The following JARID2 variants were observed in gnomAD, a reference collection of about 807,000 sequenced individuals.
JARID2 encodes the protein jumonji and AT-rich interaction domain containing 2.
A neutral mutation model predicts 125.6 loss-of-function variants in JARID2; 21 were observed. The ratio of observed to expected loss-of-function variants is 0.17; its 90% CI spans 0.12 to 0.24. JARID2 has a LOEUF of 0.24. Ranked by LOEUF, JARID2 falls within the 10% of genes least tolerant of loss-of-function variation. JARID2 has a pLI of 1.00. For synonymous variants in JARID2, 736 were observed against 661.6 expected (o/e 1.11, Z -1.73); for missense variants, 1,303 against 1,639.6 (o/e 0.79, Z 3.55).
At chr6:15,404,519 G>GCACACACACA (rs3138770) in intron 2 of JARID2, among the ~76,000 whole-genome samples, 47 of 138,352 alleles carry the variant, frequency 3.4e-4, no homozygotes, top group African/African-American at 7.2e-4. Context: ...ATCTTAAAGT[G>GCACACACACA]CACACACACA....
At chr6:15,378,598 C>T (rs1764460312) in intron 2 of JARID2, among the ~76,000 whole-genome samples, 1 of 152,152 alleles carries the variant, frequency 6.6e-6, no homozygotes, top group Non-Finnish European at 1.5e-5. Context: ...GTATTTAATT[C>T]ACAGTAGCAG....
chr6:15,497,777 C>A lies in JARID2; in HGVS notation c.1945+607C>A, dbSNP rs922847678. ...TGGAGTTAAAGCAGGGGCCGGGGGG[C>A]CAGTGGGGAGCGCTGCCCCTCTGGA... On this transcript the variant is annotated intron_variant, in intron 7 of 17. Transcript: ENST00000341776. Among the ~76,000 whole-genome samples the A allele has an allele frequency of 2.0e-5, 3 of 152,252 alleles. No individual in the cohort carries two copies. In the East Asian group the frequency reaches 5.8e-4, roughly 29 times the overall value.
At chr6:15,301,045 A>G (rs558901335) in intron 1 of JARID2, among the ~76,000 whole-genome samples, 1 of 152,332 alleles carries the variant, frequency 6.6e-6, no homozygotes, top group Admixed American at 6.5e-5. Flanking sequence ...GTCTCTCTAT[A>G]AACCAGATAC....
intron 2 of JARID2, among the ~76,000 whole-genome samples, chr6:15,386,311 G>T (rs543877374): frequency 6.8e-5 from 10 of 148,002 alleles, no homozygotes; most frequent in East Asian, 2.0e-4. Flanking sequence ...CTTCTGTGTG[G>T]GTGTGTGTGT....
chr6:15,488,163 A>G (rs758911663), intron 6 of JARID2, among the ~76,000 whole-genome samples: 3 of 152,060 alleles, frequency 2.0e-5, no homozygotes, highest in Admixed American at 6.6e-5. Flanking sequence ...CCCACCCGCT[A>G]TCCCCCAACA....
At chr6:15,365,869 T>C (rs1211412189) in intron 1 of JARID2, among the ~76,000 whole-genome samples, 3 of 152,206 alleles carry the variant, frequency 2.0e-5, no homozygotes, top group Non-Finnish European at 4.4e-5. Flanking sequence ...TTATTTCCAG[T>C]TGTGAATGTT....
rs1764321703 is a variant in JARID2, at chr6:15,375,564, C to T, written c.181+1312C>T. ...CTCATAGCTGCTTTCCTAAAAGGCA[C>T]TCTGCCTTGTTCTGTGGGTCTCCAG... On this transcript the variant is annotated intron_variant, in intron 2 of 17. Transcript: ENST00000341776. Among the ~76,000 whole-genome samples, 3 of 152,242 alleles carry T rather than the reference C, an allele frequency of 2.0e-5. No individual in the cohort carries two copies. In the South Asian group the frequency reaches 6.2e-4, roughly 31 times the overall value.
chr6:15,473,821 A>T (rs1325725209), intron 5 of JARID2, among the ~76,000 whole-genome samples: 2 of 152,164 alleles, frequency 1.3e-5, no homozygotes, highest in African/African-American at 4.8e-5. Flanking sequence ...AATCCACAGG[A>T]TGTCAGTGCT....
intron 7 of JARID2, 117 bp from the exon 8 acceptor site, chr6:15,500,790 G>A (rs150247881): frequency 1.2e-6 from 1 of 869,568 alleles, no homozygotes; most frequent in Non-Finnish European, 1.8e-6. Context: ...TCTCACCCCA[G>A]AGCCTGTCAG....
At chr6:15,473,960 A>G (rs1039573633) in intron 5 of JARID2, among the ~76,000 whole-genome samples, 23 of 152,260 alleles carry the variant, frequency 1.5e-4, no homozygotes, top group Non-Finnish European at 2.5e-4. Flanking sequence ...GTCAGCTTTG[A>G]AGAAAGCTAA....
rs1474605655 is a variant in JARID2, at chr6:15,395,433, GT to G, written c.182-14786del. Among the ~76,000 whole-genome samples, 3 of 151,966 alleles carry G rather than the reference GT, an allele frequency of 2.0e-5. No homozygotes were observed. In the East Asian group the frequency reaches 5.8e-4, roughly 29 times the overall value. On this transcript the variant is annotated intron_variant, in intron 2 of 17. Transcript: ENST00000341776. ...GGCGTGCACCACTGTGCCCGGCTAAGTTTTTGTATTTTTAGCAGAGATGGGA... is the reference window on the plus strand; with the variant it reads ...GGCGTGCACCACTGTGCCCGGCTAAGTTTTGTATTTTTAGCAGAGATGGGA...
At chr6:15,385,497 AT>A (rs1161505504) in intron 2 of JARID2, among the ~76,000 whole-genome samples, 14 of 150,730 alleles carry the variant, frequency 9.3e-5, no homozygotes, top group Middle Eastern at 3.5e-3. Context: ...TTTTTAATAG[AT>A]TTTTTAAGAT....
intron 1 of JARID2, among the ~76,000 whole-genome samples, chr6:15,352,582 T>C (rs2127483636): frequency 6.6e-6 from 1 of 152,270 alleles, no homozygotes; most frequent in East Asian, 1.9e-4. Context: ...CCTTTTCCTG[T>C]GCTTCAGTCC....
chr6:15,416,553 T>C (rs1484103427), intron 3 of JARID2, among the ~76,000 whole-genome samples: 7 of 151,266 alleles, frequency 4.6e-5, no homozygotes, highest in Admixed American at 1.3e-4. Context: ...TCAGGCGTGG[T>C]GGCGCGCGCC....
chr6:15,333,369 C>T (rs1289629075), intron 1 of JARID2, among the ~76,000 whole-genome samples: 1 of 152,142 alleles, frequency 6.6e-6, no homozygotes, highest in Non-Finnish European at 1.5e-5. Context: ...GTTATTATTT[C>T]TTCCCAGGCC....
intron 1 of JARID2, among the ~76,000 whole-genome samples, chr6:15,277,324 A>G (rs1473181056): frequency 1.3e-5 from 2 of 152,094 alleles, no homozygotes; most frequent in South Asian, 2.1e-4. Context: ...GGGTCTTGCT[A>G]TGTTGCCCAG....
At chr6:15,283,460 C>CTGGGA (rs1294443963) in intron 1 of JARID2, among the ~76,000 whole-genome samples, 3 of 148,592 alleles carry the variant, frequency 2.0e-5, no homozygotes, top group African/African-American at 7.5e-5. Flanking sequence ...CCTGCCTCAG[C>CTGGGA]CTCCCGAGTA....
chr6:15,260,039 T>C (rs1300541644), intron 1 of JARID2, among the ~76,000 whole-genome samples: 2 of 152,242 alleles, frequency 1.3e-5, no homozygotes, highest in African/African-American at 2.4e-5. Context: ...CAAGTTTTGC[T>C]TAATAGTATT....
In JARID2 at chr6:15,374,131, G is replaced by A; in HGVS notation, c.60G>A (p.Gly20=). The A allele has an allele frequency of 6.2e-7, 1 of 1,614,036 alleles. No homozygotes were observed. The highest frequency in any genetic ancestry group is 8.5e-7 in the Non-Finnish European group (1 of 1,179,918). The change falls in exon 2 of 18, where the codon GGG becomes GGA. Residue 20 remains glycine (G), a synonymous_variant. Transcript: ENST00000341776. The part of the protein sequence containing the change: ...IIQKKYDDSD[G]IPWSEERVVR... Reference sequence around the variant, plus strand: ...TGTTTCTTCAGGATGACAGTGATGGGATTCCGTGGTCAGAAGAACGGGTGG... The same window carrying A: ...TGTTTCTTCAGGATGACAGTGATGGAATTCCGTGGTCAGAAGAACGGGTGG...
Sources: gnomAD v4.1 joint callset for allele counts (sites outside exome capture counted in the v4.1 genomes callset) on GRCh38, gnomAD v4.1.1 for gene constraint, MANE v1.5 for transcripts, NCBI Gene and HGNC (gene_info 2026-07-23, HGNC 2026-07-21) for gene names.